The following LRP1B variants were observed in gnomAD, a reference collection of about 807,000 sequenced individuals.
The protein encoded by LRP1B is low-density lipoprotein receptor-related protein 1B.
LRP1B carries 217 observed loss-of-function variants against 556.6 expected under a neutral mutation model. The observed-to-expected ratio is 0.39, with a 90% CI of 0.35 to 0.44. The LOEUF (loss-of-function observed/expected upper bound fraction) is 0.44, where lower values mean the gene tolerates loss of function less well. LRP1B is among the 20% of genes least tolerant of loss of function. LRP1B has a pLI of 1.00. For synonymous variants in LRP1B, 2,047 were observed against 1,865.8 expected (o/e 1.10, Z -2.50); for missense variants, 5,053 against 5,620.8 (o/e 0.90, Z 3.23).
At chr2:141,033,567 C>A (rs767868945) in intron 11 of LRP1B, among the ~76,000 whole-genome samples, 3 of 151,732 alleles carry the variant, frequency 2.0e-5, no homozygotes, top group Non-Finnish European at 2.9e-5. Context: ...TATGTTGAAG[C>A]CCTAATTAGC....
chr2:141,001,842 T>C (rs1212988375), intron 15 of LRP1B, among the ~76,000 whole-genome samples: 1 of 152,146 alleles, frequency 6.6e-6, no homozygotes, highest in African/African-American at 2.4e-5. Flanking sequence ...GTCAGAGTCA[T>C]TCAATTGGGC....
chr2:140,339,153 CA>C (rs34676438), intron 77 of LRP1B, among the ~76,000 whole-genome samples: 1 of 151,542 alleles, frequency 6.6e-6, no homozygotes, highest in African/African-American at 2.4e-5. Flanking sequence ...TTACATCTTA[CA>C]AAAAAAGTGA....
At chr2:140,321,334 T>C (rs924696868) in intron 82 of LRP1B, among the ~76,000 whole-genome samples, 2 of 151,710 alleles carry the variant, frequency 1.3e-5, no homozygotes, top group African/African-American at 4.8e-5. Flanking sequence ...ACAAACTGCA[T>C]GAATGAAAAA....
intron 2 of LRP1B, among the ~76,000 whole-genome samples, chr2:141,529,603 T>C (rs2105189122): frequency 6.6e-6 from 1 of 152,300 alleles, no homozygotes; most frequent in East Asian, 1.9e-4. Flanking sequence ...GATTCAAGTA[T>C]AGAATCTGAC....
At chr2:140,877,833 C>T (rs1404317339) in intron 25 of LRP1B, among the ~76,000 whole-genome samples, 1 of 152,166 alleles carries the variant, frequency 6.6e-6, no homozygotes, top group Non-Finnish European at 1.5e-5. Context: ...CTCCGACCAC[C>T]TTTGGCACAT....
At chr2:142,015,315 C>T (rs928297249) in intron 1 of LRP1B, among the ~76,000 whole-genome samples, 3 of 152,048 alleles carry the variant, frequency 2.0e-5, no homozygotes, top group African/African-American at 4.8e-5. Context: ...AATTGGCTAG[C>T]GATATGCAGA....
intron 3 of LRP1B, among the ~76,000 whole-genome samples, chr2:141,302,560 T>A (rs1201216590): frequency 6.6e-6 from 1 of 152,044 alleles, no homozygotes; most frequent in African/African-American, 2.4e-5. Context: ...GCCATTTGTT[T>A]CATAAAAACA....
chr2:142,005,342 A>G (rs929171794), intron 1 of LRP1B, among the ~76,000 whole-genome samples: 3 of 152,038 alleles, frequency 2.0e-5, no homozygotes, highest in Non-Finnish European at 4.4e-5. Flanking sequence ...CAGCTTCATA[A>G]CATTCCGGGC....
Position 141,896,963 on chromosome 2 carries a change from C to G in LRP1B, c.83-86562G>C, listed in dbSNP as rs144916204. 2.0e-3 allele frequency among the ~76,000 whole-genome samples: 301 copies of G among 152,238 alleles called. 1 individual carries two copies. Among genetic ancestry groups the G allele is most frequent in the African/African-American group, 4.6e-3 (193 of 41,546 alleles). ...TAAATGTCCTCTATACCCAATCTTT[C>G]CCAATTGATACCACCACATGTTAGG... On this transcript the variant is annotated intron_variant, in intron 1 of 90. Transcript: ENST00000389484.
At chr2:140,853,243 C>A (rs138944994) in intron 27 of LRP1B, among the ~76,000 whole-genome samples, 1 of 152,256 alleles carries the variant, frequency 6.6e-6, no homozygotes, top group African/African-American at 2.4e-5. Context: ...ATATCCTTGT[C>A]TCTGAAGACA....
intron 7 of LRP1B, among the ~76,000 whole-genome samples, chr2:141,085,124 G>A (rs1295517655): frequency 7.5e-6 from 1 of 133,920 alleles, no homozygotes; most frequent in Non-Finnish European, 1.6e-5. Flanking sequence ...GAGAGGTAAA[G>A]AGGAGAGAAA....
At chr2:141,134,608 T>C (rs2105036543) in intron 7 of LRP1B, among the ~76,000 whole-genome samples, 1 of 151,574 alleles carries the variant, frequency 6.6e-6, no homozygotes, top group African/African-American at 2.4e-5. Flanking sequence ...CCTGAATTCA[T>C]TAAATGGAAA....
chr2:141,404,264 A>C (rs144852092), intron 3 of LRP1B, among the ~76,000 whole-genome samples: 1 of 152,332 alleles, frequency 6.6e-6, no homozygotes, highest in African/African-American at 2.4e-5. Context: ...ACAATCATTT[A>C]TAATTTTCTT....
intron 41 of LRP1B, among the ~76,000 whole-genome samples, chr2:140,660,348 G>T (rs979876799): frequency 1.3e-5 from 2 of 151,950 alleles, no homozygotes; most frequent in African/African-American, 4.8e-5. Flanking sequence ...GCAGAGACAA[G>T]TACTGTACTA....
chr2:140,322,995 G>T (rs1680234980), intron 81 of LRP1B, among the ~76,000 whole-genome samples: 1 of 152,008 alleles, frequency 6.6e-6, no homozygotes, highest in Non-Finnish European at 1.5e-5. Context: ...AGAGCAGCAA[G>T]ACTTTGGATA....
chr2:141,508,942 T>G (rs781704062), intron 2 of LRP1B, among the ~76,000 whole-genome samples: 1 of 152,044 alleles, frequency 6.6e-6, no homozygotes, highest in African/African-American at 2.4e-5. Context: ...GGAATCAACT[T>G]CCCCCTGAGA....
intron 1 of LRP1B, among the ~76,000 whole-genome samples, chr2:142,107,794 A>ATTTTTTTTTTTTTTTTT (rs67962280): frequency 2.7e-5 from 3 of 110,590 alleles, no homozygotes; most frequent in Non-Finnish European, 3.6e-5. Flanking sequence ...CGCCTAGCTA[A>ATTTTTTTTTTTTTTTTT]TTTTTTTTTT....
chr2:142,116,180 G>A (rs1176107299), intron 1 of LRP1B, among the ~76,000 whole-genome samples: 12 of 108,902 alleles, frequency 1.1e-4, no homozygotes, highest in East Asian at 2.6e-4. Context: ...GTGACAGAGC[G>A]AGAGTCTGTC....
intron 31 of LRP1B, among the ~76,000 whole-genome samples, chr2:140,824,957 G>C (rs551322680): frequency 6.6e-6 from 1 of 152,068 alleles, no homozygotes; most frequent in African/African-American, 2.4e-5. Context: ...TATACGTTGA[G>C]GATATAATAG....
Sources: allele counts gnomAD v4.1 joint callset (sites outside exome capture counted in the v4.1 genomes callset), GRCh38; gene constraint gnomAD v4.1.1; transcripts MANE v1.5; gene names NCBI Gene and HGNC (gene_info 2026-07-23, HGNC 2026-07-21).